Variants in TSC2 observed in about 807,000 individuals in gnomAD.
The protein encoded by TSC2 is tuberin.
In TSC2, 29 loss-of-function variants were observed where a neutral mutation model predicts 202.2. The ratio of observed to expected loss-of-function variants is 0.14; its 90% CI spans 0.11 to 0.20. The LOEUF is 0.20. Among genes scored for constraint, TSC2 ranks in the 10% least tolerant of loss-of-function variants. The pLI is 1.00. For missense variants in TSC2, 2,429 were observed against 2,420.0 expected, an observed-to-expected ratio of 1.00 and a Z score of -0.08; for synonymous variants, 1,349 against 1,044.0, an observed-to-expected ratio of 1.29 and a Z score of -5.63.
At position 2,086,817 on chromosome 16, in the gene TSC2, T is replaced by C; in HGVS notation, c.4935T>C (p.Phe1645=). ...CDKKRHLGND[F]VSIVYNDSGE... is the part of the protein sequence containing the mutation. Reference sequence around the variant, plus strand: ...AGAAGCGCCACCTGGGCAACGACTTTGTGTCCATTGTCTACAATGACTCCG... The same window carrying C: ...AGAAGCGCCACCTGGGCAACGACTTCGTGTCCATTGTCTACAATGACTCCG... Residue 1645 remains phenylalanine, a synonymous_variant, in exon 38 of 42, where the codon TTT becomes TTC. Transcript: ENST00000219476. The C allele has an allele frequency of 6.2e-7, 1 of 1,609,970 alleles. No individual in the cohort carries two copies. Among genetic ancestry groups the C allele is most frequent in the Non-Finnish European group, 8.5e-7 (1 of 1,178,968 alleles).
At chr16:2,048,977 GA>G (rs1355508966) in intron 2 of TSC2, among the ~76,000 whole-genome samples, 1 of 152,230 alleles carries the variant, frequency 6.6e-6, no homozygotes, top group African/African-American at 2.4e-5. Flanking sequence ...AGATGTTGAT[GA>G]AAGAAAGCCC....
rs947736117 is a variant in TSC2, at chr16:2,082,418, C to A, written c.3815-18C>A. On this transcript the variant is annotated intron_variant, in intron 31 of 41. Coordinates refer to ENST00000219476, the MANE Select transcript of TSC2 (RefSeq NM_000548.5). ...CCCTCCTCCTGCTGACGTGGCCGCA[C>A]ACGGCCTTCCCTTGCAGTGGCCTCT... 1.4e-5 allele frequency: 22 copies of A among 1,612,314 alleles called. No individual in the cohort carries two copies. Among genetic ancestry groups the A allele is most frequent in the Non-Finnish European group, 1.9e-5 (22 of 1,179,946 alleles).
chr16:2,088,863 A>C lies in TSC2; in HGVS notation c.*253A>C, dbSNP rs2091265512. On this transcript the variant is annotated 3_prime_UTR_variant, in exon 42 of 42. Transcript: ENST00000219476. ...TGAGGCTGCCTGGGCCATACAGCACACTCGCGCGTGCGCGCGCGCACACAC... is the reference window on the plus strand; with the variant it reads ...TGAGGCTGCCTGGGCCATACAGCACCCTCGCGCGTGCGCGCGCGCACACAC... The C allele has an allele frequency of 3.7e-6, 2 of 542,326 alleles. No homozygotes were observed. Among genetic ancestry groups the C allele is most frequent in the Non-Finnish European group, 6.5e-6 (2 of 307,454 alleles). 33.6% of individuals were successfully genotyped at this position (542,326 alleles called of 1,614,324 possible).
At chr16:2,073,821 C>G (rs1191217356) in intron 21 of TSC2, among the ~76,000 whole-genome samples, 1 of 152,298 alleles carries the variant, frequency 6.6e-6, no homozygotes, top group African/African-American at 2.4e-5. Flanking sequence ...CGGGCTCTGC[C>G]TGAGCTCCGC....
At chr16:2,081,539 A>C (rs1240908837) in intron 30 of TSC2, 56 bp from the exon 31 acceptor site, 3 of 1,608,640 alleles carry the variant, frequency 1.9e-6, no homozygotes, top group Non-Finnish European at 2.6e-6. Context: ...CTGGGGGGCC[A>C]GAGATGGGTA....
At chr16:2,083,394 C>T (rs993430434) in intron 32 of TSC2, 14 of 540,072 alleles carry the variant, frequency 2.6e-5, no homozygotes, top group African/African-American at 3.8e-5. Flanking sequence ...GGGCGGAGAG[C>T]GTCTTGCCCC....
intron 10 of TSC2, among the ~76,000 whole-genome samples, chr16:2,060,233 G>A (rs1158697847): frequency 2.0e-5 from 3 of 152,206 alleles, no homozygotes; most frequent in Admixed American, 1.3e-4. Context: ...GGGCGATCAC[G>A]TCGTCCTGGT....
chr16:2,075,766 C>G (rs746907496), intron 22 of TSC2, 33 bp from the exon 23 acceptor site: 1 of 1,607,444 alleles, frequency 6.2e-7, no homozygotes, highest in Non-Finnish European at 8.5e-7. Flanking sequence ...CACGGGACCC[C>G]GGCTCCCCTG....
intron 5 of TSC2, chr16:2,054,913 G>C (rs1337222194): frequency 6.1e-6 from 2 of 330,398 alleles, no homozygotes; most frequent in East Asian, 1.6e-4. Context: ...TCTGACTCTG[G>C]CTTTGCTGTT....
chr16:2,058,767 C>T lies in TSC2; in HGVS notation c.869C>T (p.Pro290Leu), dbSNP rs2151106083. Reference sequence around the variant, plus strand: ...TTTAGAGCCTACATGGAGGACGCGCCCCTGCTGAGAGGAGCCGTGTTTTTT... The same window carrying T: ...TTTAGAGCCTACATGGAGGACGCGCTCCTGCTGAGAGGAGCCGTGTTTTTT... ...MEDRAYMEDAPLLRGAVFFVG... is the reference protein window; with the variant it reads ...MEDRAYMEDALLLRGAVFFVG... The change falls in exon 10 of 42, where the codon CCC becomes CTC. Residue 290 changes from proline to leucine, a missense_variant. Physicochemically the swap from Pro to Leu is moderately conservative, Grantham distance 98. Coordinates refer to ENST00000219476, the MANE Select transcript of TSC2 (RefSeq NM_000548.5). The T allele has an allele frequency of 6.3e-7, 1 of 1,588,290 alleles. No homozygotes were observed. Among genetic ancestry groups the T allele is most frequent in the Non-Finnish European group, 8.6e-7 (1 of 1,166,934 alleles).
At chr16:2,055,743 T>G in intron 6 of TSC2, 1 of 497,010 alleles carries the variant, frequency 2.0e-6, no homozygotes, top group African/African-American at 1.9e-5. Flanking sequence ...ATACAAAAAT[T>G]AGCCGGGCAT....
intron 3 of TSC2, 26 bp downstream of exon 3, chr16:2,050,512 G>T (rs1452099490): frequency 6.2e-7 from 1 of 1,603,204 alleles, no homozygotes; most frequent in Non-Finnish European, 8.5e-7. Context: ...TGAGCTACTA[G>T]AGAGAGGCAC....
Position 2,072,839 on chromosome 16 carries a change from T to C in TSC2, c.2221-10T>C, listed in dbSNP as rs2151325875. 1 of 1,613,534 alleles carries C rather than the reference T, an allele frequency of 6.2e-7. No individual in the cohort carries two copies. Among genetic ancestry groups the C allele is most frequent in the Non-Finnish European group, 8.5e-7 (1 of 1,180,034 alleles). ...TGGGGAGAGGTTTCATGCCTGGATT[T>C]GGTCATCAGCTTTCAGGCCCAAAGA... is the stretch of plus-strand genomic sequence containing the variant. On this transcript the variant is annotated splice_polypyrimidine_tract_variant and intron_variant, in intron 20 of 41. Coordinates refer to ENST00000219476, the MANE Select transcript of TSC2 (RefSeq NM_000548.5).
At chr16:2,050,287 T>G (rs1309192104) in intron 2 of TSC2, 113 bp from the exon 3 acceptor site, 13 of 1,027,296 alleles carry the variant, frequency 1.3e-5, no homozygotes, top group Non-Finnish European at 2.0e-5. Flanking sequence ...AAGATCTGTT[T>G]TAAGTCTCTA....
chr16:2,077,489 C>T (rs2089555334), intron 25 of TSC2, 109 bp from the exon 26 acceptor site: 12 of 1,545,380 alleles, frequency 7.8e-6, no homozygotes, highest in South Asian at 1.1e-5. Flanking sequence ...ATCTCTCCAT[C>T]CTGACCCTGT....
intron 4 of TSC2, chr16:2,053,818 CTG>C: frequency 2.0e-6 from 1 of 510,650 alleles, no homozygotes; most frequent in Non-Finnish European, 3.8e-6. Context: ...TGCATTCCAT[CTG>C]TGCTGGTCTT....
At chr16:2,065,765 T>C in intron 16 of TSC2, 130 bp downstream of exon 16, 1 of 826,600 alleles carries the variant, frequency 1.2e-6, no homozygotes, top group Non-Finnish European at 2.0e-6. Flanking sequence ...GAGGGTGCGG[T>C]GGTCTCAGCA....
rs45517144 is a variant in TSC2 at position 2,060,698 on chromosome 16, C to T, written c.1004C>T (p.Ser335Phe). ...ATGGCATGTCCGAACGAGGTGGTGT[C>T]CTATGAGATCGTCCTGTCCATCACC... ...QAMACPNEVV[S>F]YEIVLSITRL... is the part of the protein sequence containing the mutation. The change falls in exon 11 of 42, where the codon TCC (serine) becomes TTC (phenylalanine). Residue 335 changes from serine to phenylalanine, a missense_variant. Transcript: ENST00000219476. 8 of 1,613,944 alleles carry T rather than the reference C, an allele frequency of 5.0e-6. No individual in the cohort carries two copies. The highest frequency in any genetic ancestry group is 4.0e-5 in the African/African-American group (3 of 74,898).
Position 2,074,296 on chromosome 16 carries a change from A to G in TSC2, c.2452A>G (p.Ile818Val), listed in dbSNP as rs1596356585. The change falls in exon 22 of 42, where the codon ATC becomes GTC. Residue 818 changes from isoleucine to valine, a missense_variant. Physicochemically the swap from Ile to Val is conservative, Grantham distance 29 (BLOSUM62 3). Coordinates refer to ENST00000219476, the MANE Select transcript of TSC2 (RefSeq NM_000548.5). The part of the protein sequence containing the change: ...LSICSVEMPD[I>V]IIKALPVLVV... The stretch of plus-strand genomic sequence containing the variant: ...CATCTGCAGCGTGGAGATGCCTGAC[A>G]TCATCATCAAGGCGCTGCCTGTTCT... 2.5e-6 allele frequency: 4 copies of G among 1,613,166 alleles called. No individual in the cohort carries two copies. The highest frequency in any genetic ancestry group is 3.4e-6 in the Non-Finnish European group (4 of 1,180,030).
Sources: gnomAD v4.1 joint callset for allele counts (sites outside exome capture counted in the v4.1 genomes callset) on GRCh38, gnomAD v4.1.1 for gene constraint, MANE v1.5 for transcripts, NCBI Gene and HGNC (gene_info 2026-07-23, HGNC 2026-07-21) for gene names.